The following CSMD1 variants were observed in gnomAD, a reference collection of about 807,000 sequenced individuals.
CSMD1 encodes CUB and sushi domain-containing protein 1.
A neutral mutation model predicts 417.5 loss-of-function variants in CSMD1; 213 were observed. The observed-to-expected ratio is 0.51, with a 90% CI of 0.46 to 0.57. The LOEUF is 0.57. Ranked by LOEUF, CSMD1 falls within the 20% of genes least tolerant of loss-of-function variation. The probability of loss-of-function intolerance (pLI) is 0.00; values close to 1 mark genes in which losing one functional copy is unlikely to be tolerated. For synonymous variants in CSMD1, 2,862 were observed against 1,736.8 expected, an observed-to-expected ratio of 1.65 and a Z score of -16.11; for missense variants, 6,923 against 4,529.7, an observed-to-expected ratio of 1.53 and a Z score of -15.17.
intron 1 of CSMD1, among the ~76,000 whole-genome samples, chr8:4,764,702 T>C (rs1585062205): frequency 6.7e-6 from 1 of 149,000 alleles, no homozygotes; most frequent in Admixed American, 6.7e-5. Context: ...AAAAAACCCA[T>C]CTCTACTAAA....
At chr8:4,220,681 G>A (rs940517449) in intron 3 of CSMD1, among the ~76,000 whole-genome samples, 2 of 152,190 alleles carry the variant, frequency 1.3e-5, no homozygotes, top group Non-Finnish European at 2.9e-5. Flanking sequence ...AGAAGGAAAG[G>A]GAAGATCAAG....
intron 2 of CSMD1, among the ~76,000 whole-genome samples, chr8:4,536,009 A>G (rs1465220214): frequency 6.6e-6 from 1 of 152,288 alleles, no homozygotes; most frequent in Non-Finnish European, 1.5e-5. Context: ...CAGAATATCA[A>G]TGCCACCATT....
intron 5 of CSMD1, among the ~76,000 whole-genome samples, chr8:3,994,119 G>C (rs774932352): frequency 3.3e-5 from 5 of 152,200 alleles, no homozygotes; most frequent in Non-Finnish European, 5.9e-5. Context: ...AGTCATGGAA[G>C]TTAAGAATCG....
chr8:4,047,114 A>G (rs113738522), intron 3 of CSMD1, among the ~76,000 whole-genome samples: 11 of 152,292 alleles, frequency 7.2e-5, no homozygotes, highest in Non-Finnish European at 1.3e-4. Context: ...TGTGGCTTCA[A>G]TGGAAGCTGT....
intron 5 of CSMD1, among the ~76,000 whole-genome samples, chr8:3,869,495 G>GCTGA (rs1805332932): frequency 6.6e-6 from 1 of 152,142 alleles, no homozygotes. Context: ...GGCTAGTGAG[G>GCTGA]CTGAATGCGT....
At chr8:4,805,702 G>A (rs1285646740) in intron 1 of CSMD1, among the ~76,000 whole-genome samples, 2 of 152,144 alleles carry the variant, frequency 1.3e-5, no homozygotes, top group Admixed American at 6.5e-5. Flanking sequence ...TGACAGAACA[G>A]ACCTCATAAA....
At chr8:3,066,654 G>T (rs553152104) in intron 49 of CSMD1, among the ~76,000 whole-genome samples, 1 of 152,122 alleles carries the variant, frequency 6.6e-6, no homozygotes, top group Non-Finnish European at 1.5e-5. Context: ...TAAAAACACA[G>T]GACACAATCG....
At chr8:3,044,535 C>T (rs1227271986) in intron 50 of CSMD1, among the ~76,000 whole-genome samples, 1 of 152,050 alleles carries the variant, frequency 6.6e-6, no homozygotes, top group Non-Finnish European at 1.5e-5. Flanking sequence ...CTGTTAAACC[C>T]AGTCCGTTAA....
At chr8:3,212,602 C>G (rs1380310533) in intron 30 of CSMD1, among the ~76,000 whole-genome samples, 3 of 152,136 alleles carry the variant, frequency 2.0e-5, no homozygotes, top group African/African-American at 7.2e-5. Context: ...GATCCACTAG[C>G]CTTGGCCTCC....
intron 3 of CSMD1, among the ~76,000 whole-genome samples, chr8:4,372,858 A>G (rs1228473913): frequency 6.6e-6 from 1 of 152,224 alleles, no homozygotes; most frequent in Non-Finnish European, 1.5e-5. Context: ...GAAGACTACA[A>G]AATTATTTAC....
intron 3 of CSMD1, among the ~76,000 whole-genome samples, chr8:4,118,742 G>A (rs1176601119): frequency 6.6e-6 from 1 of 152,132 alleles, no homozygotes; most frequent in East Asian, 1.9e-4. Context: ...CCATTACTGG[G>A]TATATGCCCA....
At chr8:3,323,795 G>A (rs1359786551) in intron 23 of CSMD1, among the ~76,000 whole-genome samples, 1 of 135,690 alleles carries the variant, frequency 7.4e-6, no homozygotes. Context: ...TCCAACCCCA[G>A]AGACCCAGGA....
chr8:4,566,137 A>C (rs1798595432), intron 2 of CSMD1, among the ~76,000 whole-genome samples: 1 of 152,160 alleles, frequency 6.6e-6, no homozygotes, highest in African/African-American at 2.4e-5. Flanking sequence ...CATGATGTGA[A>C]GATAAGAATG....
chr8:4,755,811 A>G (rs745327012), intron 1 of CSMD1, among the ~76,000 whole-genome samples: 5 of 152,104 alleles, frequency 3.3e-5, no homozygotes, highest in African/African-American at 9.7e-5. Flanking sequence ...TCTTAACGAC[A>G]CTATCTTATT....
intron 2 of CSMD1, among the ~76,000 whole-genome samples, chr8:4,582,753 G>A (rs1243700718): frequency 2.0e-5 from 3 of 152,336 alleles, no homozygotes; most frequent in East Asian, 1.9e-4. Flanking sequence ...TTGGCCCACC[G>A]CTGCACTGTG....
At chr8:4,918,221 A>C (rs1362044745) in intron 1 of CSMD1, among the ~76,000 whole-genome samples, 1 of 152,198 alleles carries the variant, frequency 6.6e-6, no homozygotes, top group South Asian at 2.1e-4. Flanking sequence ...TGATCGAGGG[A>C]TCAAGGACAT....
chr8:4,669,883 G>C (rs968417340), intron 1 of CSMD1, among the ~76,000 whole-genome samples: 1 of 152,142 alleles, frequency 6.6e-6, no homozygotes, highest in African/African-American at 2.4e-5. Context: ...TGGGCTTCTA[G>C]AACTGCTGAA....
At chr8:4,693,736 A>T (rs563265549) in intron 1 of CSMD1, among the ~76,000 whole-genome samples, 2 of 31,594 alleles carry the variant, frequency 6.3e-5, no homozygotes, top group Non-Finnish European at 1.0e-4. Context: ...CTATTCATAG[A>T]TGTGATCATA....
intron 41 of CSMD1, among the ~76,000 whole-genome samples, chr8:3,140,306 G>A (rs867947031): frequency 3.8e-4 from 58 of 151,822 alleles, no homozygotes; most frequent in Middle Eastern, 3.4e-3. Context: ...TTTGTTGTGG[G>A]AAGTTGCTTC....
Sources: gnomAD v4.1 joint callset for allele counts (sites outside exome capture counted in the v4.1 genomes callset) on GRCh38, gnomAD v4.1.1 for gene constraint, MANE v1.5 for transcripts, NCBI Gene and HGNC (gene_info 2026-07-23, HGNC 2026-07-21) for gene names.